CDHR3: variants seen among roughly 807,000 people sequenced by gnomAD.
CDHR3 encodes cadherin related family member 3.
A neutral mutation model predicts 86.6 loss-of-function variants in CDHR3; 79 were observed. The ratio of observed to expected loss-of-function variants is 0.91; its 90% confidence interval spans 0.76 to 1.10. CDHR3 has a LOEUF of 1.10. Among genes scored for constraint, CDHR3 ranks in the 50% least tolerant of loss-of-function variants. The pLI is 0.00. For synonymous variants in CDHR3, 421 were observed against 402.4 expected (o/e 1.05, Z -0.55); for missense variants, 1,081 against 1,077.6 (o/e 1.00, Z -0.04).
intron 9 of CDHR3, among the ~76,000 whole-genome samples, 174 bp from the exon 10 acceptor site, chr7:106,014,937 G>A (rs182354769): frequency 1.6e-4 from 24 of 152,280 alleles, no homozygotes; most frequent in African/African-American, 5.5e-4. Context: ...TTCACTAGCA[G>A]TGAGCAAAGG....
Position 105,963,376 on chromosome 7 carries a change from A to G in CDHR3, c.46+12A>G. On this transcript the variant is annotated intron_variant, in intron 1 of 18. Coordinates refer to ENST00000317716, the MANE Select transcript of CDHR3 (RefSeq NM_152750.5). ...GGGTGCCATGTCAGGTAGGAACTCAATTTTGCTTTGGAACCTTGCTTGCCT... is the reference window on the plus strand; with the variant it reads ...GGGTGCCATGTCAGGTAGGAACTCAGTTTTGCTTTGGAACCTTGCTTGCCT... 1.2e-6 allele frequency: 2 copies of G among 1,613,810 alleles called. No homozygotes were observed. The highest frequency in any genetic ancestry group is 1.7e-6 in the Non-Finnish European group (2 of 1,179,702).
chr7:105,975,748 CTA>C (rs1160121302), intron 2 of CDHR3, among the ~76,000 whole-genome samples: 1 of 152,176 alleles, frequency 6.6e-6, no homozygotes, highest in Non-Finnish European at 1.5e-5. Context: ...CTGGATCTGC[CTA>C]TGTTTCAGTA....
intron 11 of CDHR3, among the ~76,000 whole-genome samples, chr7:106,017,301 A>G (rs1042978784): frequency 6.6e-6 from 1 of 152,116 alleles, no homozygotes; most frequent in African/African-American, 2.4e-5. Context: ...TGACGACTAT[A>G]ATCCTAGCAC....
At chr7:106,000,798 C>T (rs964549411) in intron 6 of CDHR3, among the ~76,000 whole-genome samples, 4 of 149,596 alleles carry the variant, frequency 2.7e-5, no homozygotes, top group African/African-American at 9.9e-5. Flanking sequence ...GGGGCCTGGT[C>T]TTCTTCAGGG....
At chr7:105,998,004 G>A (rs770029562) in intron 6 of CDHR3, among the ~76,000 whole-genome samples, 3 of 152,050 alleles carry the variant, frequency 2.0e-5, no homozygotes, top group African/African-American at 7.2e-5. Flanking sequence ...AGGTGAGGGT[G>A]TGTCTGCCAG....
rs1838921027 is a variant in CDHR3, at chr7:106,036,323, G to A, written c.*3626G>A. ...GGCTGTGAAAATTAAGCTACAAAAT[G>A]AGTGAACATTGAAGACAATGATTGC... is the stretch of plus-strand genomic sequence containing the variant. On this transcript the variant is annotated 3_prime_UTR_variant, in exon 19 of 19. Transcript: ENST00000317716. 1 of 152,196 alleles carries A rather than the reference G, an allele frequency of 6.6e-6. No individual in the cohort carries two copies. The highest frequency in any genetic ancestry group is 1.5e-5 in the Non-Finnish European group (1 of 68,020). The allele number at this position is 152,196 out of a possible 1,614,324, so 9.4% of individuals were successfully genotyped here. A position where few individuals can be genotyped will look rare whatever the true frequency, so the allele number is the denominator to read the frequency against.
intron 14 of CDHR3, among the ~76,000 whole-genome samples, chr7:106,022,743 T>G (rs138818163): frequency 3.7e-4 from 57 of 152,334 alleles, no homozygotes; most frequent in African/African-American, 1.3e-3. Context: ...CTGTGTGGCT[T>G]GTGGCACAGG....
chr7:105,964,462 A>C (rs1323264706), intron 1 of CDHR3, among the ~76,000 whole-genome samples: 1 of 151,748 alleles, frequency 6.6e-6, no homozygotes, highest in Non-Finnish European at 1.5e-5. Context: ...TTTTTTTCTT[A>C]TCTAACTGCC....
intron 12 of CDHR3, among the ~76,000 whole-genome samples, chr7:106,019,651 G>A (rs569457517): frequency 1.1e-4 from 16 of 152,286 alleles, no homozygotes; most frequent in East Asian, 1.9e-4. Context: ...AAAAGACAGC[G>A]ATGAAAGAGA....
intron 6 of CDHR3, among the ~76,000 whole-genome samples, chr7:106,000,806 GGGGACC>G (rs1175995683): frequency 2.6e-5 from 4 of 151,762 alleles, no homozygotes; most frequent in African/African-American, 9.7e-5. Flanking sequence ...GTCTTCTTCA[GGGGACC>G]TATTTCTCAG....
chr7:105,970,499 G>A (rs1376562282), intron 1 of CDHR3, among the ~76,000 whole-genome samples: 2 of 152,206 alleles, frequency 1.3e-5, no homozygotes, highest in African/African-American at 2.4e-5. Context: ...GCATGTGTAA[G>A]TCAAATTCCA....
In CDHR3 at chr7:106,001,450, T is replaced by C. The variant is rs1585695554; in HGVS notation, c.714-12T>C. 6.2e-7 allele frequency: 1 copy of C among 1,613,390 alleles called. No homozygotes were observed. The highest frequency in any genetic ancestry group is 2.2e-5 in the East Asian group (1 of 44,880). ...CTGGAAATTAGCTGTGTCTGCTGTATCTCTGTTCCAGCCCGACACGAGTGT... is the reference window on the plus strand; with the variant it reads ...CTGGAAATTAGCTGTGTCTGCTGTACCTCTGTTCCAGCCCGACACGAGTGT... On this transcript the variant is annotated splice_polypyrimidine_tract_variant and intron_variant, in intron 6 of 18. Coordinates refer to ENST00000317716, the MANE Select transcript of CDHR3 (RefSeq NM_152750.5).
Position 105,994,803 on chromosome 7 carries a change from T to G in CDHR3, c.566T>G (p.Leu189Arg). 1 of 1,612,594 alleles carries G rather than the reference T, an allele frequency of 6.2e-7. No individual in the cohort carries two copies. The highest frequency in any genetic ancestry group is 8.5e-7 in the Non-Finnish European group (1 of 1,179,332). ...TTCAGAATGTCTGCTAATGGCACCC[T>G]CTTCTCCACAACAGAATTGGACTTT... ...KSFRMSANGT[L>R]FSTTELDFEA... The change falls in exon 5 of 19, where the codon CTC becomes CGC. Residue 189 changes from leucine to arginine, a missense_variant. Coordinates refer to ENST00000317716, the MANE Select transcript of CDHR3 (RefSeq NM_152750.5).
chr7:106,013,627 A>G (rs1199260113), intron 9 of CDHR3, among the ~76,000 whole-genome samples: 1 of 152,182 alleles, frequency 6.6e-6, no homozygotes, highest in Non-Finnish European at 1.5e-5. Context: ...GAGAAAAATG[A>G]AAGGGCTGGG....
intron 1 of CDHR3, among the ~76,000 whole-genome samples, chr7:105,967,473 A>G (rs900368925): frequency 9.9e-5 from 15 of 152,234 alleles, no homozygotes; most frequent in Non-Finnish European, 2.1e-4. Flanking sequence ...ATAACCCAGT[A>G]ATGGGATGGC....
chr7:106,019,590 A>G (rs973629623), intron 12 of CDHR3, among the ~76,000 whole-genome samples: 2 of 152,156 alleles, frequency 1.3e-5, no homozygotes, highest in African/African-American at 4.8e-5. Flanking sequence ...CTGACATTCT[A>G]TGATTCTGTG....
rs766831993 is a variant in CDHR3 at position 106,017,895 on chromosome 7, G to A, written c.1476G>A (p.Gln492=). 5.6e-6 allele frequency: 9 copies of A among 1,606,336 alleles called. No homozygotes were observed. In the South Asian group the frequency reaches 1.0e-4, roughly 18 times the overall value. The part of the protein sequence containing the change: ...QVRATDKDLP[Q]SSLLYSISTG... Reference sequence around the variant, plus strand: ...GAGCCACTGATAAAGACCTCCCCCAGAGCAGCCTCCTGTACTCCATCTCCA... The same window carrying A: ...GAGCCACTGATAAAGACCTCCCCCAAAGCAGCCTCCTGTACTCCATCTCCA... Residue 492 remains glutamine, a synonymous_variant, in exon 12 of 19, where the codon CAG becomes CAA. Coordinates refer to ENST00000317716, the MANE Select transcript of CDHR3 (RefSeq NM_152750.5).
chr7:105,987,521 C>T (rs1416315616), intron 4 of CDHR3, among the ~76,000 whole-genome samples: 1 of 152,086 alleles, frequency 6.6e-6, no homozygotes, highest in Non-Finnish European at 1.5e-5. Flanking sequence ...CAAATGACAT[C>T]GTTAGGTTCG....
chr7:105,965,562 G>GCC (rs372930710), intron 1 of CDHR3, among the ~76,000 whole-genome samples: 1,217 of 56,102 alleles, frequency 0.022, 17 homozygotes, highest in South Asian at 0.077. Flanking sequence ...CCCAACTCAA[G>GCC]CCCCACCCCC....
Sources: gnomAD v4.1 joint callset for allele counts (sites outside exome capture counted in the v4.1 genomes callset) on GRCh38, gnomAD v4.1.1 for gene constraint, MANE v1.5 for transcripts, NCBI Gene and HGNC (gene_info 2026-07-23, HGNC 2026-07-21) for gene names.